SANBR: variants seen among roughly 807,000 people sequenced by gnomAD.
SANBR encodes the protein SANT and BTB domain regulator of CSR, also known as SANT and BTB domain regulator of class switch recombination.
SANBR carries 77 observed loss-of-function variants against 101.8 expected under a neutral mutation model. The ratio of observed to expected loss-of-function variants is 0.76; its 90% CI spans 0.63 to 0.91. SANBR has a LOEUF of 0.91. Among genes scored for constraint, SANBR ranks in the 40% least tolerant of loss-of-function variants. The pLI is 0.00. For synonymous variants in SANBR, 279 were observed against 274.7 expected, an observed-to-expected ratio of 1.02 and a Z score of -0.15; for missense variants, 875 against 853.0, an observed-to-expected ratio of 1.03 and a Z score of -0.32.
At chr2:61,126,529 G>A (rs774441117), downstream of SANBR, among the ~76,000 whole-genome samples, 3 of 152,084 alleles carry the variant, frequency 2.0e-5, no homozygotes, top group Non-Finnish European at 2.9e-5. Context: ...CAGGCCGGAC[G>A]CGGTGGCTCA....
intron 11 of SANBR, among the ~76,000 whole-genome samples, chr2:61,095,893 C>G (rs1302548924): frequency 1.3e-5 from 2 of 152,168 alleles, no homozygotes; most frequent in Non-Finnish European, 2.9e-5. Flanking sequence ...CTTTCCCCAA[C>G]AGCTATTAAT....
chr2:61,076,501 G>A (rs1184986745), intron 5 of SANBR, among the ~76,000 whole-genome samples: 7 of 148,700 alleles, frequency 4.7e-5, no homozygotes, highest in Middle Eastern at 3.4e-3. Flanking sequence ...CATGGTGGGC[G>A]CCTGTAGTCC....
intron 12 of SANBR, among the ~76,000 whole-genome samples, chr2:61,098,056 A>G (rs1256309924): frequency 2.2e-5 from 2 of 91,330 alleles, no homozygotes; most frequent in African/African-American, 1.4e-4. Flanking sequence ...TCAGGCACAA[A>G]TTATATATAT....
rs549482936 is a variant in SANBR, at chr2:61,123,908, G to A, written c.*1746G>A. 223 of 469,624 alleles carry A rather than the reference G, an allele frequency of 4.7e-4. 2 individuals are homozygous for A. Among genetic ancestry groups the A allele is most frequent in the African/African-American group, 4.3e-3 (204 of 47,242 alleles). 29.1% of individuals were successfully genotyped at this position (469,624 alleles called of 1,614,324 possible). A position where few individuals can be genotyped will look rare whatever the true frequency, so the allele number is the denominator to read the frequency against. On this transcript the variant is annotated 3_prime_UTR_variant, in exon 22 of 22. Coordinates refer to ENST00000402291, the MANE Select transcript of SANBR (RefSeq NM_001129993.3). ...GGAGTTTGAGACCAGCCTGGCCAACGTGGTGAAACCCTATCTCTACTAAAA... is the reference window on the plus strand; with the variant it reads ...GGAGTTTGAGACCAGCCTGGCCAACATGGTGAAACCCTATCTCTACTAAAA...
At chr2:61,136,110 GCCTGGCCAACATGGTGAAA>G (rs1684831540) in intron 21 of SANBR, among the ~76,000 whole-genome samples, 2 of 152,098 alleles carry the variant, frequency 1.3e-5, no homozygotes, top group Admixed American at 6.6e-5. Flanking sequence ...TTCGAGACCA[GCCTGGCCAACATGGTGAAA>G]CCTGTCTCTA....
intron 14 of SANBR, among the ~76,000 whole-genome samples, chr2:61,107,611 A>G (rs936522790): frequency 1.3e-5 from 2 of 152,174 alleles, no homozygotes; most frequent in African/African-American, 4.8e-5. Context: ...AGCTATACAA[A>G]TATTCAGTCA....
exon 22 of SANBR, chr2:61,137,808 T>G (rs1198254263): frequency 6.6e-6 from 1 of 152,240 alleles, no homozygotes; most frequent in East Asian, 1.9e-4. Context: ...TGATGCTTAT[T>G]ATGCCCATGC....
intron 8 of SANBR, among the ~76,000 whole-genome samples, chr2:61,083,566 TAA>T (rs573963696): frequency 2.6e-4 from 37 of 139,936 alleles, no homozygotes; most frequent in Middle Eastern, 3.5e-3. Flanking sequence ...CCAGCTAAAT[TAA>T]AAAAAAAAAA....
At chr2:61,088,112 A>G (rs1682539877) in intron 8 of SANBR, 47 bp from the exon 9 acceptor site, 14 of 1,038,302 alleles carry the variant, frequency 1.3e-5, no homozygotes, top group Non-Finnish European at 1.9e-5. Flanking sequence ...TTTCATCACT[A>G]TAAAGTAGTG....
intron 20 of SANBR, among the ~76,000 whole-genome samples, chr2:61,132,349 T>C (rs999353383): frequency 5.3e-5 from 8 of 152,300 alleles, no homozygotes; most frequent in African/African-American, 1.9e-4. Context: ...ATTTTTAAAA[T>C]GGTGAAAGAC....
intron 7 of SANBR, 34 bp downstream of exon 7, chr2:61,081,544 C>T (rs759130610): frequency 1.3e-6 from 2 of 1,493,712 alleles, no homozygotes; most frequent in South Asian, 2.8e-5. Flanking sequence ...CAAAGTGCTT[C>T]TGTTCACTTA....
chr2:61,100,794 A>G (rs942209096), intron 12 of SANBR, among the ~76,000 whole-genome samples: 7 of 152,232 alleles, frequency 4.6e-5, no homozygotes, highest in African/African-American at 1.2e-4. Context: ...GAGAAAATGT[A>G]TACTCCTGGG....
intron 16 of SANBR, among the ~76,000 whole-genome samples, chr2:61,112,830 T>C (rs972367511): frequency 3.3e-5 from 5 of 152,220 alleles, no homozygotes; most frequent in African/African-American, 1.2e-4. Flanking sequence ...AGCTAAAGTT[T>C]TAAATTTTGT....
exon 21 of SANBR, chr2:61,134,211 G>C: frequency 6.2e-7 from 1 of 1,610,746 alleles, no homozygotes; most frequent in Non-Finnish European, 8.5e-7. Flanking sequence ...GTGTGCTCTT[G>C]ATGACAGTGT....
chr2:61,097,454 C>T (rs1683083240), intron 11 of SANBR, among the ~76,000 whole-genome samples: 1 of 152,010 alleles, frequency 6.6e-6, no homozygotes, highest in African/African-American at 2.4e-5. Context: ...GTTGTACAGT[C>T]ATCACCATCA....
At position 61,123,029 on chromosome 2, in the gene SANBR, T is replaced by C. The variant is rs1684395694; in HGVS notation, c.*867T>C. 3.1e-6 allele frequency: 3 copies of C among 980,190 alleles called. No individual in the cohort carries two copies. Among genetic ancestry groups the C allele is most frequent in the Non-Finnish European group, 3.6e-6 (3 of 825,032 alleles). The allele number at this position is 980,190 out of a possible 1,614,324, so 60.7% of individuals were successfully genotyped here. On this transcript the variant is annotated 3_prime_UTR_variant, in exon 22 of 22. Transcript: ENST00000402291. Reference sequence around the variant, plus strand: ...AACAGTTATACTTGCTAGTTCGGTCTAAAATTTTCCAAATACATTAGATAG... The same window carrying C: ...AACAGTTATACTTGCTAGTTCGGTCCAAAATTTTCCAAATACATTAGATAG...
chr2:61,106,637 G>A lies in SANBR; in HGVS notation c.1586G>A (p.Gly529Asp), dbSNP rs1186513115. Residue 529 changes from glycine (G) to aspartate (D), a missense_variant, in exon 14 of 22, where the codon GGT becomes GAT. Physicochemically the swap from Gly to Asp is moderately conservative, Grantham distance 94. Transcript: ENST00000402291. ...DVLLEPNTPW[G>D]PKTGELNAFL... is the part of the protein sequence containing the mutation. ...TTACTGGAGCCAAATACACCATGGG[G>A]TCCCAAAACTGGGGAGCTCAATGCT... 1.9e-6 allele frequency: 3 copies of A among 1,592,034 alleles called. No homozygotes were observed. Among genetic ancestry groups the A allele is most frequent in the African/African-American group, 2.7e-5 (2 of 73,474 alleles).
chr2:61,086,449 G>T (rs1009060327), intron 8 of SANBR, among the ~76,000 whole-genome samples: 2 of 152,072 alleles, frequency 1.3e-5, no homozygotes, highest in Non-Finnish European at 2.9e-5. Flanking sequence ...TAGCAAAATA[G>T]TATTGATAAA....
At chr2:61,098,077 ATT>A (rs1200713012) in intron 12 of SANBR, among the ~76,000 whole-genome samples, 26 of 116,836 alleles carry the variant, frequency 2.2e-4, no homozygotes, top group East Asian at 1.7e-3. Flanking sequence ...ATATATATAT[ATT>A]TTTTGGAGGT....
Sources: allele counts gnomAD v4.1 joint callset (sites outside exome capture counted in the v4.1 genomes callset), GRCh38; gene constraint gnomAD v4.1.1; transcripts MANE v1.5; gene names NCBI Gene and HGNC (gene_info 2026-07-23, HGNC 2026-07-21).